The following DOP1A variants were observed in gnomAD, a reference collection of about 807,000 sequenced individuals.
DOP1A encodes the protein DOP1 leucine zipper like protein A.
A neutral mutation model predicts 267.6 loss-of-function variants in DOP1A; 90 were observed. The observed-to-expected ratio is 0.34, with a 90% confidence interval of 0.28 to 0.40. The LOEUF (loss-of-function observed/expected upper bound fraction) is 0.40. DOP1A is among the 10% of genes least tolerant of loss of function. DOP1A has a pLI of 1.00. For missense variants in DOP1A, 2,437 were observed against 2,900.4 expected, an observed-to-expected ratio of 0.84 and a Z score of 3.67; for synonymous variants, 932 against 999.1, an observed-to-expected ratio of 0.93 and a Z score of 1.27.
chr6:83,071,353 C>T (rs982032722), intron 1 of DOP1A, among the ~76,000 whole-genome samples: 1 of 152,084 alleles, frequency 6.6e-6, no homozygotes, highest in African/African-American at 2.4e-5. Context: ...ATTACAGGCA[C>T]CCACCATCAC....
intron 3 of DOP1A, among the ~76,000 whole-genome samples, chr6:83,099,924 A>G (rs1407833091): frequency 6.6e-6 from 1 of 152,102 alleles, no homozygotes; most frequent in Non-Finnish European, 1.5e-5. Context: ...TTCCAGTTCT[A>G]ACATAGTCTG....
intron 18 of DOP1A, 139 bp from the exon 19 acceptor site, chr6:83,134,048 A>G (rs1778497614): frequency 1.9e-6 from 1 of 537,446 alleles, no homozygotes; most frequent in Admixed American, 3.7e-5. Flanking sequence ...GAATATAAAT[A>G]AAGTTTATTG....
At chr6:83,119,683 G>A (rs1776045410) in intron 8 of DOP1A, 65 bp from the exon 9 acceptor site, 1 of 1,377,470 alleles carries the variant, frequency 7.3e-7, no homozygotes. Context: ...TGCTGTTTTG[G>A]TATTTAGTGA....
In DOP1A at chr6:83,135,697, A is replaced by C. The variant is rs752655181; in HGVS notation, c.2949A>C (p.Gln983His). 30 of 1,613,660 alleles carry C rather than the reference A, an allele frequency of 1.9e-5. No individual in the cohort carries two copies. Among genetic ancestry groups the C allele is most frequent in the Non-Finnish European group, 2.4e-5 (28 of 1,179,764 alleles). Residue 983 changes from glutamine to histidine, a missense_variant, in exon 20 of 39, where the codon CAA becomes CAC. By Grantham distance (24) the Gln-to-His change is conservative. Coordinates refer to ENST00000349129, the MANE Select transcript of DOP1A (RefSeq NM_015018.4). ...CTGTGGGACAAGCCTGGCTGAACCA[A>C]GTCCTACAAAGACATGATATTGCAC... ...TSSVGQAWLN[Q>H]VLQRHDIARV...
intron 24 of DOP1A, among the ~76,000 whole-genome samples, chr6:83,142,588 A>G (rs1269966924): frequency 6.6e-6 from 1 of 152,138 alleles, no homozygotes; most frequent in Non-Finnish European, 1.5e-5. Flanking sequence ...AGAAATTAGT[A>G]TGATATTAAA....
At chr6:83,126,144 C>G (rs539262913) in intron 15 of DOP1A, among the ~76,000 whole-genome samples, 1 of 150,468 alleles carries the variant, frequency 6.6e-6, no homozygotes, top group Non-Finnish European at 1.5e-5. Flanking sequence ...TTTACACTTA[C>G]AGCACATCTT....
chr6:83,140,189 T>C (rs1779389519), intron 22 of DOP1A, 32 bp from the exon 23 acceptor site: 2 of 1,605,938 alleles, frequency 1.2e-6, no homozygotes, highest in African/African-American at 2.7e-5. Flanking sequence ...TCTCAGTAAG[T>C]AATATGTTTC....
At chr6:83,083,290 C>T (rs1768470419) in intron 1 of DOP1A, among the ~76,000 whole-genome samples, 2 of 151,608 alleles carry the variant, frequency 1.3e-5, no homozygotes, top group Non-Finnish European at 2.9e-5. Flanking sequence ...TATGTATTTA[C>T]ATTATTATAG....
chr6:83,102,965 C>T (rs1772863048), intron 4 of DOP1A, among the ~76,000 whole-genome samples: 1 of 152,158 alleles, frequency 6.6e-6, no homozygotes, highest in Non-Finnish European at 1.5e-5. Context: ...CCCTGTAACT[C>T]TCAAATCCAG....
intron 18 of DOP1A, 35 bp downstream of exon 18, chr6:83,132,363 C>T (rs375950176): frequency 6.0e-5 from 93 of 1,560,732 alleles, no homozygotes; most frequent in South Asian, 4.2e-4. Context: ...CCGCCCCCTC[C>T]GCCACACACA....
intron 1 of DOP1A, among the ~76,000 whole-genome samples, chr6:83,083,065 C>A (rs541854158): frequency 6.6e-6 from 1 of 152,264 alleles, no homozygotes; most frequent in Admixed American, 6.5e-5. Flanking sequence ...GCCTCAGCCT[C>A]CTGAAGTGCT....
At chr6:83,140,722 C>T (rs1437362728) in intron 23 of DOP1A, among the ~76,000 whole-genome samples, 2 of 152,182 alleles carry the variant, frequency 1.3e-5, no homozygotes, top group African/African-American at 4.8e-5. Context: ...TCCCAATCAA[C>T]CACGAATCTA....
intron 33 of DOP1A, 149 bp from the exon 34 acceptor site, chr6:83,155,802 G>A: frequency 1.2e-6 from 1 of 857,092 alleles, no homozygotes; most frequent in Non-Finnish European, 1.7e-6. Context: ...CTGTTTGCCA[G>A]CCTGTCTGCC....
At position 83,141,245 on chromosome 6, in the gene DOP1A, T is replaced by C. The variant is rs368085963; in HGVS notation, c.5416-676T>C. 2.2e-3 allele frequency among the ~76,000 whole-genome samples: 341 copies of C among 152,294 alleles called. 1 individual carries two copies. The highest frequency in any genetic ancestry group is 7.9e-3 in the African/African-American group (327 of 41,544). On this transcript the variant is annotated intron_variant, in intron 23 of 38. Transcript: ENST00000349129. Reference sequence around the variant, plus strand: ...TGAACAAATACCATATTTTCAATTATGTAAAAAATGTTATCTGCAGAAAAA... The same window carrying C: ...TGAACAAATACCATATTTTCAATTACGTAAAAAATGTTATCTGCAGAAAAA...
At chr6:83,067,803 G>C (rs1427005316) in intron 1 of DOP1A, 24 bp downstream of exon 1, 1 of 152,328 alleles carries the variant, frequency 6.6e-6, no homozygotes, top group Non-Finnish European at 1.5e-5. Flanking sequence ...TGCCCCCAGT[G>C]CGGCCGCTAG....
chr6:83,087,666 A>C (rs1435814383), intron 1 of DOP1A, among the ~76,000 whole-genome samples: 1 of 152,174 alleles, frequency 6.6e-6, no homozygotes, highest in Non-Finnish European at 1.5e-5. Context: ...CCTTACTTGT[A>C]AATGTGAGTA....
chr6:83,111,589 A>G (rs938650869), intron 6 of DOP1A, among the ~76,000 whole-genome samples: 1 of 151,878 alleles, frequency 6.6e-6, no homozygotes, highest in Non-Finnish European at 1.5e-5. Flanking sequence ...AAGTATTCTC[A>G]TTGTGGTTTT....
intron 3 of DOP1A, among the ~76,000 whole-genome samples, chr6:83,097,462 T>C (rs1771701251): frequency 6.6e-6 from 1 of 152,184 alleles, no homozygotes; most frequent in Non-Finnish European, 1.5e-5. Context: ...GGCAGCAAAA[T>C]GAAAACCTAC....
At chr6:83,165,678 A>G in intron 38 of DOP1A, 1 of 213,074 alleles carries the variant, frequency 4.7e-6, no homozygotes, top group Admixed American at 5.0e-5. Context: ...ATGCCTAAAG[A>G]AGTGGTAGTT....
Sources: gnomAD v4.1 joint callset for allele counts (sites outside exome capture counted in the v4.1 genomes callset) on GRCh38, gnomAD v4.1.1 for gene constraint, MANE v1.5 for transcripts, NCBI Gene and HGNC (gene_info 2026-07-23, HGNC 2026-07-21) for gene names.